Variants in MORN5 observed in about 807,000 individuals in gnomAD.
MORN5 encodes MORN repeat containing 5.
In MORN5, 21 loss-of-function variants were observed where a neutral mutation model predicts 22.1. The ratio of observed to expected loss-of-function variants is 0.95; its 90% CI spans 0.67 to 1.37. The LOEUF (loss-of-function observed/expected upper bound fraction) is 1.37, where lower values mean the gene tolerates loss of function less well. Among genes scored for constraint, MORN5 ranks in the 40% most tolerant of loss-of-function variants. MORN5 has a pLI of 0.00. For missense variants in MORN5, 211 were observed against 215.1 expected, an observed-to-expected ratio of 0.98 and a Z score of 0.12; for synonymous variants, 73 against 74.0, an observed-to-expected ratio of 0.99 and a Z score of 0.07.
At chr9:122,192,736 G>T (rs1013861682) in intron 4 of MORN5, among the ~76,000 whole-genome samples, 6 of 152,208 alleles carry the variant, frequency 3.9e-5, no homozygotes, top group African/African-American at 1.4e-4. Context: ...TCTCCATGTG[G>T]TAGGGCTGCC....
At chr9:122,177,815 C>G in intron 4 of MORN5, among the ~76,000 whole-genome samples, 1 of 152,216 alleles carries the variant, frequency 6.6e-6, no homozygotes, top group Non-Finnish European at 1.5e-5. Flanking sequence ...GTCTTCTGTA[C>G]AACATTAACA....
At chr9:122,160,836 C>T (rs1829186282) in intron 1 of MORN5, among the ~76,000 whole-genome samples, 1 of 152,160 alleles carries the variant, frequency 6.6e-6, no homozygotes, top group South Asian at 2.1e-4. Context: ...AAGCTGGTCT[C>T]ATACTCCTGG....
chr9:122,181,344 C>CAGTG (rs531506376), intron 4 of MORN5, among the ~76,000 whole-genome samples: 152 of 152,276 alleles, frequency 1.0e-3, no homozygotes, highest in Non-Finnish European at 7.1e-4. Flanking sequence ...CTCATGCATC[C>CAGTG]AGTGAGCTGG....
intron 4 of MORN5, among the ~76,000 whole-genome samples, chr9:122,178,402 T>C (rs902351501): frequency 4.6e-5 from 7 of 151,938 alleles, no homozygotes; most frequent in Non-Finnish European, 7.4e-5. Flanking sequence ...GGCAGGAGAA[T>C]TGCTTGAACC....
At chr9:122,199,743 G>T in intron 4 of MORN5, 142 bp from the exon 5 acceptor site, 1 of 754,524 alleles carries the variant, frequency 1.3e-6, no homozygotes, top group South Asian at 1.5e-5. Flanking sequence ...TAAATGAAAG[G>T]TCTGTTCCTC....
intron 4 of MORN5, among the ~76,000 whole-genome samples, chr9:122,193,938 G>A (rs954724360): frequency 2.6e-5 from 4 of 152,266 alleles, no homozygotes; most frequent in Non-Finnish European, 4.4e-5. Context: ...AGGCCAGGCT[G>A]AGGAGTGGAG....
intron 4 of MORN5, among the ~76,000 whole-genome samples, chr9:122,198,177 C>G (rs1829937303): frequency 6.6e-6 from 1 of 152,202 alleles, no homozygotes; most frequent in African/African-American, 2.4e-5. Context: ...CAATGAGACA[C>G]AGTGTCTGCA....
At chr9:122,192,799 T>G (rs988091691) in intron 4 of MORN5, among the ~76,000 whole-genome samples, 1 of 152,382 alleles carries the variant, frequency 6.6e-6, no homozygotes, top group Admixed American at 6.5e-5. Flanking sequence ...GTCTTGGACT[T>G]GCCCTTGGCG....
intron 2 of MORN5, 138 bp from the exon 3 acceptor site, chr9:122,169,507 C>T (rs774015373): frequency 2.0e-5 from 13 of 637,604 alleles, no homozygotes; most frequent in Non-Finnish European, 3.1e-5. Flanking sequence ...CTCTTGTCGT[C>T]ACAACCATAA....
At chr9:122,169,505 G>A (rs113420989) in intron 2 of MORN5, 140 bp from the exon 3 acceptor site, 29 of 631,960 alleles carry the variant, frequency 4.6e-5, no homozygotes, top group African/African-American at 1.6e-4. Context: ...CCCTCTTGTC[G>A]TCACAACCAT....
At chr9:122,177,973 T>C (rs963428025) in intron 4 of MORN5, among the ~76,000 whole-genome samples, 1 of 152,216 alleles carries the variant, frequency 6.6e-6, no homozygotes, top group Non-Finnish European at 1.5e-5. Context: ...CAGTTCTGCC[T>C]GAAGAGTTTA....
chr9:122,175,116 G>T (rs1017370236), intron 4 of MORN5, among the ~76,000 whole-genome samples: 1 of 152,190 alleles, frequency 6.6e-6, no homozygotes, highest in African/African-American at 2.4e-5. Context: ...GCCCCAGAGA[G>T]GTGGGACGGA....
chr9:122,160,047 A>T (rs746243935), intron 1 of MORN5, 28 bp downstream of exon 1: 3 of 1,593,258 alleles, frequency 1.9e-6, no homozygotes, highest in African/African-American at 1.3e-5. Context: ...TTCACTTACT[A>T]TACCTTGAAT....
intron 4 of MORN5, among the ~76,000 whole-genome samples, chr9:122,187,213 A>G (rs1829655899): frequency 6.6e-6 from 1 of 152,236 alleles, no homozygotes; most frequent in Admixed American, 6.5e-5. Context: ...TGAAAAGGTG[A>G]AAAGCAGGGG....
chr9:122,190,403 G>A (rs2118781861), intron 4 of MORN5, among the ~76,000 whole-genome samples: 1 of 152,308 alleles, frequency 6.6e-6, no homozygotes, highest in Middle Eastern at 3.4e-3. Flanking sequence ...CATGCATACT[G>A]GAGAATTCTC....
chr9:122,166,698 C>G, intron 1 of MORN5, 70 bp from the exon 2 acceptor site: 1 of 1,445,084 alleles, frequency 6.9e-7, no homozygotes, highest in Admixed American at 1.8e-5. Flanking sequence ...TTCCTGCTCA[C>G]TCTGTTGCCT....
chr9:122,172,533 A>C (rs1301175426), intron 3 of MORN5, among the ~76,000 whole-genome samples: 2 of 151,978 alleles, frequency 1.3e-5, no homozygotes, highest in Non-Finnish European at 2.9e-5. Context: ...TACTTCACCC[A>C]AATAACTCCT....
At chr9:122,195,252 T>C (rs1216077982) in intron 4 of MORN5, among the ~76,000 whole-genome samples, 1 of 152,216 alleles carries the variant, frequency 6.6e-6, no homozygotes, top group Non-Finnish European at 1.5e-5. Flanking sequence ...GCAAAGATAG[T>C]ACAGAGTTGT....
At chr9:122,166,669 G>C in intron 1 of MORN5, 99 bp from the exon 2 acceptor site, 1 of 1,143,034 alleles carries the variant, frequency 8.7e-7, no homozygotes, top group South Asian at 1.6e-5. Context: ...TGAGAAGGAT[G>C]AGAATGCTGA....
Sources: allele counts gnomAD v4.1 joint callset (sites outside exome capture counted in the v4.1 genomes callset), GRCh38; gene constraint gnomAD v4.1.1; transcripts MANE v1.5; gene names NCBI Gene and HGNC (gene_info 2026-07-23, HGNC 2026-07-21).